Variants in NPAS3 observed in about 807,000 individuals in gnomAD.
The protein encoded by NPAS3 is neuronal PAS domain protein 3, also known as neuronal PAS domain-containing protein 3.
In NPAS3, 14 loss-of-function variants were observed where a neutral mutation model predicts 73.1. The observed-to-expected ratio is 0.19, with a 90% CI of 0.13 to 0.30. The LOEUF is 0.30. Ranked by LOEUF, NPAS3 falls within the 10% of genes least tolerant of loss-of-function variation. NPAS3 has a pLI of 1.00. For synonymous variants in NPAS3, 620 were observed against 541.5 expected (o/e 1.14, Z -2.01); for missense variants, 1,096 against 1,250.0 (o/e 0.88, Z 1.86).
At chr14:33,752,820 G>A (rs1286689003) in intron 7 of NPAS3, among the ~76,000 whole-genome samples, 1 of 152,078 alleles carries the variant, frequency 6.6e-6, no homozygotes, top group South Asian at 2.1e-4. Flanking sequence ...CCTACCATCT[G>A]TCTTTCTGAT....
At chr14:33,498,933 AGAGTGTGTGTGTGTGTGTGTGTGT>A (rs1439309696) in intron 4 of NPAS3, among the ~76,000 whole-genome samples, 2 of 76,964 alleles carry the variant, frequency 2.6e-5, no homozygotes, top group African/African-American at 1.1e-4. Context: ...AGACAGAGAG[AGAGTGTGTGTGTGTGTGTGTGTGT>A]GTGTGTGTGT....
intron 1 of NPAS3, among the ~76,000 whole-genome samples, chr14:32,946,678 CTTG>C (rs2036276243): frequency 6.6e-6 from 1 of 152,008 alleles, no homozygotes; most frequent in East Asian, 1.9e-4. Context: ...ATAAGAAGTG[CTTG>C]AGTATTTGTG....
In NPAS3 at chr14:33,494,923, A is replaced by C. The variant is rs6571600; in HGVS notation, c.469-65198A>C. 9.5e-3 allele frequency among the ~76,000 whole-genome samples: 1,442 copies of C among 152,210 alleles called. 19 individuals carry two copies. The highest frequency in any genetic ancestry group is 0.033 in the African/African-American group (1,366 of 41,556). On this transcript the variant is annotated intron_variant, in intron 4 of 11. Coordinates refer to ENST00000356141, the Ensembl canonical transcript of NPAS3. ...TTGCACAGCAATCACTGAGCCATGC[A>C]CAACCCGCAGAGTCTCAGTTGGGAT...
upstream of NPAS3, among the ~76,000 whole-genome samples, chr14:32,938,482 A>AGAGAAAGAG (rs2035781447): frequency 1.3e-4 from 2 of 15,058 alleles, no homozygotes; most frequent in South Asian, 1.7e-3. Context: ...AGAGAGAGAG[A>AGAGAAAGAG]AATTGAGAGA....
At position 33,800,240 on chromosome 14, in the gene NPAS3, G is replaced by A. The variant is rs746892610; in HGVS notation, c.1933G>A (p.Val645Met). 6.2e-6 allele frequency: 10 copies of A among 1,613,022 alleles called. No individual in the cohort carries two copies. Among genetic ancestry groups the A allele is most frequent in the African/African-American group, 1.3e-5 (1 of 74,886 alleles). Residue 645 changes from valine to methionine, a missense_variant, in exon 12 of 12, where the codon GTG becomes ATG. Physicochemically the swap from Val to Met is conservative, Grantham distance 21 (BLOSUM62 1). Coordinates refer to ENST00000356141, the Ensembl canonical transcript of NPAS3. The surrounding 1 kb of genome is among the most constrained non-coding windows in gnomAD (Gnocchi z 6.5). Reference sequence around the variant, plus strand: ...GCTGTCCTCCCCCAACAGTGCCTCGGTGCTCAAGATCAAGACGGAGATCTC... The same window carrying A: ...GCTGTCCTCCCCCAACAGTGCCTCGATGCTCAAGATCAAGACGGAGATCTC...
At chr14:33,576,131 A>T (rs931172042) in intron 5 of NPAS3, among the ~76,000 whole-genome samples, 4 of 152,136 alleles carry the variant, frequency 2.6e-5, no homozygotes, top group Non-Finnish European at 4.4e-5. Flanking sequence ...AATGCCATCC[A>T]TGTCTGTTTC....
Position 33,799,877 on chromosome 14 carries a change from GA to G in NPAS3, c.1571del (p.Asp524AlafsTer159). On this transcript the variant is annotated frameshift_variant, in exon 12 of 12. Coordinates refer to ENST00000356141, the Ensembl canonical transcript of NPAS3. LOFTEE classifies it high-confidence loss of function. ...CGACGGCCACAGCTCCAGTAACCCG[GA>G]CAGCCGCGACAGCGACGACAGCTTC... The G allele has an allele frequency of 6.2e-7, 1 of 1,614,156 alleles. No individual in the cohort carries two copies. The highest frequency in any genetic ancestry group is 8.5e-7 in the Non-Finnish European group (1 of 1,180,040).
At chr14:33,288,047 T>G (rs1500723) in intron 3 of NPAS3, among the ~76,000 whole-genome samples, 69,410 of 151,990 alleles carry the variant, frequency 0.46, 17,153 homozygotes, top group African/African-American at 0.66. Flanking sequence ...ATATGCAAAT[T>G]ACTTTGCAAT....
chr14:33,302,126 A>G (rs187435554), intron 3 of NPAS3, among the ~76,000 whole-genome samples: 24 of 152,332 alleles, frequency 1.6e-4, no homozygotes, highest in Middle Eastern at 3.4e-3. Flanking sequence ...TAATGATTAA[A>G]TTAATGAACA....
At chr14:33,132,984 A>C (rs2043698128) in intron 2 of NPAS3, among the ~76,000 whole-genome samples, 1 of 152,174 alleles carries the variant, frequency 6.6e-6, no homozygotes, top group Admixed American at 6.6e-5. Context: ...ATAGTACCAA[A>C]GTTTAATTTC....
chr14:33,201,772 A>C (rs1176574189), intron 2 of NPAS3, among the ~76,000 whole-genome samples: 1 of 152,202 alleles, frequency 6.6e-6, no homozygotes, highest in African/African-American at 2.4e-5. Context: ...TGATGGGGGC[A>C]CATTGAGAAA....
At position 33,188,493 on chromosome 14, in the gene NPAS3, C is replaced by T. The variant is rs963197964; in HGVS notation, c.141-26689C>T. ...TTTGTGCCTCTCTTATAGCACTTAC[C>T]GTGTGGTGTGTTGTAACATTTATTT... On this transcript the variant is annotated intron_variant, in intron 2 of 11. Transcript: ENST00000356141. 2.6e-5 allele frequency among the ~76,000 whole-genome samples: 4 copies of T among 152,144 alleles called. No individual in the cohort carries two copies. In the East Asian group the frequency reaches 5.8e-4, roughly 22 times the overall value.
At chr14:33,132,052 G>A (rs2043657065) in intron 2 of NPAS3, among the ~76,000 whole-genome samples, 1 of 152,140 alleles carries the variant, frequency 6.6e-6, no homozygotes, top group Admixed American at 6.6e-5. Context: ...CATTATTTAA[G>A]TGGTTCATGT....
chr14:33,380,064 T>TAA (rs372315350), intron 4 of NPAS3, among the ~76,000 whole-genome samples: 2 of 146,664 alleles, frequency 1.4e-5, no homozygotes, highest in African/African-American at 5.0e-5. Flanking sequence ...ATGTTGAAAA[T>TAA]AAAAAAAATA....
chr14:33,112,447 T>C (rs1351748969), intron 2 of NPAS3, among the ~76,000 whole-genome samples: 1 of 152,246 alleles, frequency 6.6e-6, no homozygotes, highest in Non-Finnish European at 1.5e-5. Context: ...TTCATGTGTC[T>C]GTTGGCTGCA....
intron 3 of NPAS3, among the ~76,000 whole-genome samples, chr14:33,256,028 A>T (rs2048767982): frequency 6.6e-6 from 1 of 152,142 alleles, no homozygotes; most frequent in Admixed American, 6.5e-5. Context: ...AATTACTCAT[A>T]AAAAAATTTC....
intron 1 of NPAS3, among the ~76,000 whole-genome samples, chr14:32,994,293 A>T (rs1434326399): frequency 6.6e-6 from 1 of 152,214 alleles, no homozygotes; most frequent in Non-Finnish European, 1.5e-5. Flanking sequence ...CTGTTCTGTT[A>T]CAGTGAATAC....
intron 4 of NPAS3, among the ~76,000 whole-genome samples, chr14:33,409,200 T>C (rs1176732351): frequency 6.6e-6 from 1 of 151,956 alleles, no homozygotes; most frequent in East Asian, 1.9e-4. Flanking sequence ...GGGAGGGGAG[T>C]TGAGCAGCCC....
chr14:33,766,798 C>T (rs1348398867), intron 7 of NPAS3, among the ~76,000 whole-genome samples: 2 of 152,176 alleles, frequency 1.3e-5, no homozygotes, highest in Non-Finnish European at 2.9e-5. Context: ...CCTGTTGCAT[C>T]CTCCTTGGCC....
Sources: gnomAD v4.1 joint callset for allele counts (sites outside exome capture counted in the v4.1 genomes callset) on GRCh38, gnomAD v4.1.1 for gene constraint, Gnocchi (gnomAD v3.1) non-coding constraint, MANE v1.5 for transcripts, NCBI Gene and HGNC (gene_info 2026-07-23, HGNC 2026-07-21) for gene names.